The following TRPC4 variants were observed in gnomAD, a reference collection of about 807,000 sequenced individuals.
TRPC4 encodes the protein transient receptor potential cation channel subfamily C member 4.
In TRPC4, 49 loss-of-function variants were observed where a neutral mutation model predicts 99.4. The ratio of observed to expected loss-of-function variants is 0.49; its 90% CI spans 0.39 to 0.63. TRPC4 has a LOEUF of 0.63. Among genes scored for constraint, TRPC4 ranks in the 20% least tolerant of loss-of-function variants. The pLI is 0.00. For synonymous variants in TRPC4, 454 were observed against 425.9 expected, an observed-to-expected ratio of 1.07 and a Z score of -0.81; for missense variants, 898 against 1,152.9, an observed-to-expected ratio of 0.78 and a Z score of 3.20.
At chr13:37,809,283 C>A (rs992911053) in intron 1 of TRPC4, among the ~76,000 whole-genome samples, 2 of 151,872 alleles carry the variant, frequency 1.3e-5, no homozygotes, top group Admixed American at 1.3e-4. Context: ...AGTTTAGAGT[C>A]CTTAACACAG....
intron 4 of TRPC4, among the ~76,000 whole-genome samples, chr13:37,677,313 T>C (rs923066762): frequency 3.3e-5 from 5 of 151,978 alleles, no homozygotes; most frequent in African/African-American, 1.2e-4. Context: ...CAGATAGCAA[T>C]GGGGGTAGGT....
chr13:37,654,289 T>G (rs1952149505), intron 7 of TRPC4, among the ~76,000 whole-genome samples: 1 of 152,132 alleles, frequency 6.6e-6, no homozygotes, highest in Non-Finnish European at 1.5e-5. Flanking sequence ...TAATTACGAT[T>G]ATAAAATGCT....
intron 1 of TRPC4, among the ~76,000 whole-genome samples, chr13:37,836,697 A>G (rs552600394): frequency 1.3e-5 from 2 of 152,326 alleles, no homozygotes; most frequent in South Asian, 4.1e-4. Flanking sequence ...ATGGAGCCTA[A>G]AAGTTTGGAA....
intron 1 of TRPC4, among the ~76,000 whole-genome samples, chr13:37,812,506 T>C (rs1320416752): frequency 6.6e-6 from 1 of 152,040 alleles, no homozygotes; most frequent in African/African-American, 2.4e-5. Context: ...ATTGGATCAT[T>C]GGATATGCTC....
At chr13:37,697,103 T>C (rs1566104294) in intron 3 of TRPC4, among the ~76,000 whole-genome samples, 1 of 152,036 alleles carries the variant, frequency 6.6e-6, no homozygotes, top group Admixed American at 6.6e-5. Context: ...ACCTACTTCA[T>C]TAATCAAAAC....
intron 6 of TRPC4, among the ~76,000 whole-genome samples, chr13:37,656,526 C>T (rs972323579): frequency 6.6e-6 from 1 of 152,142 alleles, no homozygotes; most frequent in Non-Finnish European, 1.5e-5. Flanking sequence ...CCAATACCTC[C>T]ATGGACTAAG....
intron 1 of TRPC4, among the ~76,000 whole-genome samples, chr13:37,801,092 G>C (rs923165276): frequency 2.0e-5 from 3 of 152,010 alleles, no homozygotes; most frequent in Non-Finnish European, 4.4e-5. Flanking sequence ...ATCAAAGCAT[G>C]AAGTCAGTCT....
chr13:37,798,245 T>C (rs79030512), intron 1 of TRPC4, among the ~76,000 whole-genome samples: 3,822 of 152,246 alleles, frequency 0.025, 151 homozygotes, highest in African/African-American at 0.087. Flanking sequence ...AAGAAAGAGC[T>C]ATGAACTACA....
At chr13:37,838,030 C>G (rs1225528626) in intron 1 of TRPC4, among the ~76,000 whole-genome samples, 1 of 152,184 alleles carries the variant, frequency 6.6e-6, no homozygotes, top group Admixed American at 6.5e-5. Flanking sequence ...CCATGTAAGA[C>G]GTGACTTGTT....
chr13:37,661,252 A>G (rs1262622227), intron 6 of TRPC4, among the ~76,000 whole-genome samples: 1 of 152,228 alleles, frequency 6.6e-6, no homozygotes, highest in Non-Finnish European at 1.5e-5. Context: ...AGCATTTTAC[A>G]TCATGCTTGT....
chr13:37,671,541 C>T (rs1054087258), intron 5 of TRPC4, among the ~76,000 whole-genome samples: 1 of 150,380 alleles, frequency 6.6e-6, no homozygotes, highest in Non-Finnish European at 1.5e-5. Flanking sequence ...GTCTAGTAGA[C>T]TCATAGTACA....
rs1956877943 is a variant in TRPC4 at position 37,782,959 on chromosome 13, T to C, written c.375A>G (p.Lys125=). The change falls in exon 2 of 11, where the codon AAA becomes AAG. Residue 125 remains lysine (K), a synonymous_variant. Transcript: ENST00000379705. ...AAAACTGTATTTTTGCAGGTACCTG[T>C]TTTTCTCCACTAGGTTTTTTGTGGT... ...LLNHKKPSGE[K]QVPPILLDKQ... 1 of 1,430,784 alleles carries C rather than the reference T, an allele frequency of 7.0e-7. No homozygotes were observed. The highest frequency in any genetic ancestry group is 9.2e-7 in the Non-Finnish European group (1 of 1,082,848). 88.6% of individuals were successfully genotyped at this position (1,430,784 alleles called of 1,614,324 possible).
intron 1 of TRPC4, among the ~76,000 whole-genome samples, chr13:37,802,459 T>C (rs760898458): frequency 2.6e-4 from 39 of 152,134 alleles, no homozygotes; most frequent in Admixed American, 2.6e-3. Context: ...TCAGATATTC[T>C]ATAGAATGTC....
rs369455804 is a variant in TRPC4 at position 37,828,356 on chromosome 13, AGAAAAGG to A, written c.-28+41232_-28+41238del. 2.7e-3 allele frequency among the ~76,000 whole-genome samples: 404 copies of A among 152,312 alleles called. 2 individuals are homozygous for A. The highest frequency in any genetic ancestry group is 9.3e-3 in the African/African-American group (387 of 41,570). On this transcript the variant is annotated intron_variant, in intron 1 of 10. Coordinates refer to ENST00000379705, the MANE Select transcript of TRPC4 (RefSeq NM_016179.4). ...ATAACAGATGCTGGCGAGGTTGTGG[AGAAAAGG>A]GAATGCTTATACGGTGTTGTTTGGA... is the stretch of plus-strand genomic sequence containing the variant.
intron 5 of TRPC4, among the ~76,000 whole-genome samples, chr13:37,671,622 G>A (rs1952846214): frequency 1.3e-5 from 2 of 151,478 alleles, no homozygotes; most frequent in African/African-American, 2.4e-5. Context: ...TTCTGTAATA[G>A]GCACTTTAAA....
intron 4 of TRPC4, among the ~76,000 whole-genome samples, chr13:37,686,459 A>T (rs1196640919): frequency 2.0e-5 from 3 of 152,002 alleles, no homozygotes; most frequent in African/African-American, 7.2e-5. Context: ...ACATATATAT[A>T]CATATATATA....
chr13:37,749,956 G>T (rs536733590), intron 2 of TRPC4, among the ~76,000 whole-genome samples: 1 of 152,200 alleles, frequency 6.6e-6, no homozygotes, highest in Non-Finnish European at 1.5e-5. Context: ...ACCTGAGAGT[G>T]CCTGCACCTC....
At chr13:37,748,493 AAC>A (rs1430450755) in intron 2 of TRPC4, among the ~76,000 whole-genome samples, 5 of 152,218 alleles carry the variant, frequency 3.3e-5, no homozygotes, top group Non-Finnish European at 7.4e-5. Context: ...TCAAAAAAAT[AAC>A]AGTGTGAAAG....
chr13:37,634,883 G>A lies in TRPC4; in HGVS notation c.*2020C>T, dbSNP rs1000378972. Among the ~76,000 whole-genome samples the A allele has an allele frequency of 2.0e-5, 3 of 151,984 alleles. No individual in the cohort carries two copies. The highest frequency in any genetic ancestry group is 2.9e-5 in the Non-Finnish European group (2 of 67,964). Reference sequence around the variant, plus strand: ...TAAAGGTGTTCTTGAAACAGTAAATGCATTCATTTAGGCTTGTGTTTCTCC... The same window carrying A: ...TAAAGGTGTTCTTGAAACAGTAAATACATTCATTTAGGCTTGTGTTTCTCC... On this transcript the variant is annotated 3_prime_UTR_variant, in exon 11 of 11. Coordinates refer to ENST00000379705, the MANE Select transcript of TRPC4 (RefSeq NM_016179.4).
Sources: allele counts gnomAD v4.1 joint callset (sites outside exome capture counted in the v4.1 genomes callset), GRCh38; gene constraint gnomAD v4.1.1; transcripts MANE v1.5; gene names NCBI Gene and HGNC (gene_info 2026-07-23, HGNC 2026-07-21).